Variants in FBXL7 observed in about 807,000 individuals in gnomAD.
FBXL7 encodes F-box/LRR-repeat protein 7.
Under a neutral mutation model 38.3 loss-of-function variants are expected in FBXL7, and 12 were observed. That is an observed-to-expected ratio of 0.31 (90% confidence interval 0.20 to 0.51). The LOEUF (loss-of-function observed/expected upper bound fraction) is 0.51, where lower values mean the gene tolerates loss of function less well. FBXL7 is among the 20% of genes least tolerant of loss of function. The probability of loss-of-function intolerance (pLI) is 0.98; values close to 1 mark genes in which losing one functional copy is unlikely to be tolerated. For missense variants in FBXL7, 567 were observed against 676.4 expected, an observed-to-expected ratio of 0.84 and a Z score of 1.79; for synonymous variants, 297 against 300.9, an observed-to-expected ratio of 0.99 and a Z score of 0.13.
At chr5:15,531,125 G>T (rs185870257) in intron 1 of FBXL7, among the ~76,000 whole-genome samples, 1 of 152,240 alleles carries the variant, frequency 6.6e-6, no homozygotes, top group Admixed American at 6.5e-5. Context: ...TACTAGCAAA[G>T]CTTCGAACAA....
intron 2 of FBXL7, among the ~76,000 whole-genome samples, chr5:15,768,790 A>G (rs2046171918): frequency 6.6e-6 from 1 of 152,196 alleles, no homozygotes; most frequent in Non-Finnish European, 1.5e-5. Flanking sequence ...CAGTGGCCAC[A>G]GTGCTGTGCA....
intron 2 of FBXL7, among the ~76,000 whole-genome samples, chr5:15,644,871 T>C (rs968034633): frequency 1.3e-5 from 2 of 152,082 alleles, no homozygotes; most frequent in Admixed American, 1.3e-4. Context: ...GCCTTCCCCT[T>C]TAGATGGACT....
chr5:15,693,191 A>G (rs1743231962), intron 2 of FBXL7, among the ~76,000 whole-genome samples: 1 of 152,116 alleles, frequency 6.6e-6, no homozygotes. Flanking sequence ...GACTTGGGCC[A>G]AAAAGCATCT....
chr5:15,884,428 G>A (rs1319442958), intron 2 of FBXL7, among the ~76,000 whole-genome samples: 5 of 152,002 alleles, frequency 3.3e-5, no homozygotes, highest in South Asian at 2.1e-4. Context: ...TACCACGCCC[G>A]GCTAATTTTT....
chr5:15,829,733 G>A (rs1351727140), intron 2 of FBXL7, among the ~76,000 whole-genome samples: 2 of 152,142 alleles, frequency 1.3e-5, no homozygotes, highest in Middle Eastern at 3.2e-3. Context: ...GCTCCTGAAA[G>A]TAAAGAATAT....
chr5:15,618,673 C>G (rs1031890883), intron 2 of FBXL7, among the ~76,000 whole-genome samples: 24 of 152,068 alleles, frequency 1.6e-4, no homozygotes, highest in African/African-American at 5.8e-4. Flanking sequence ...AACTATGGTG[C>G]ATAACTTTCT....
Position 15,557,406 on chromosome 5 carries a change from A to C in FBXL7, c.37+56693A>C, listed in dbSNP as rs191701037. On this transcript the variant is annotated intron_variant, in intron 1 of 3. Transcript: ENST00000504595. ...TTAAGAGTCTCCAAACTGTATCCTTAACTCATCATGGAGTAACATTTGTAT... is the reference window on the plus strand; with the variant it reads ...TTAAGAGTCTCCAAACTGTATCCTTCACTCATCATGGAGTAACATTTGTAT... 2.0e-4 allele frequency among the ~76,000 whole-genome samples: 30 copies of C among 152,330 alleles called. 1 individual carries two copies. In the East Asian group the frequency reaches 3.9e-3, roughly 20 times the overall value.
At chr5:15,556,532 A>G (rs1166687054) in intron 1 of FBXL7, among the ~76,000 whole-genome samples, 1 of 152,184 alleles carries the variant, frequency 6.6e-6, no homozygotes, top group African/African-American at 2.4e-5. Flanking sequence ...GGTCCAGTCA[A>G]GTTGACCATA....
At chr5:15,843,205 C>T (rs1334201251) in intron 2 of FBXL7, among the ~76,000 whole-genome samples, 1 of 151,976 alleles carries the variant, frequency 6.6e-6, no homozygotes, top group Non-Finnish European at 1.5e-5. Context: ...TAAGCTTTTG[C>T]CTTTGTCAAA....
chr5:15,696,211 A>G (rs1331406223), intron 2 of FBXL7, among the ~76,000 whole-genome samples: 54 of 152,192 alleles, frequency 3.5e-4, no homozygotes, highest in Admixed American at 3.5e-3. Context: ...GTCTCCTCTC[A>G]TTTCAGAAAG....
intron 2 of FBXL7, among the ~76,000 whole-genome samples, chr5:15,638,900 TC>T (rs1366578908): frequency 6.6e-6 from 1 of 152,166 alleles, no homozygotes; most frequent in African/African-American, 2.4e-5. Flanking sequence ...ACAATGACCC[TC>T]TGGAACTCTC....
At chr5:15,869,210 C>T (rs1248717460) in intron 2 of FBXL7, among the ~76,000 whole-genome samples, 1 of 152,068 alleles carries the variant, frequency 6.6e-6, no homozygotes, top group Non-Finnish European at 1.5e-5. Context: ...AAGTGATATC[C>T]CATCACTTTG....
At chr5:15,888,101 C>A (rs1193882845) in intron 2 of FBXL7, among the ~76,000 whole-genome samples, 1 of 152,154 alleles carries the variant, frequency 6.6e-6, no homozygotes, top group African/African-American at 2.4e-5. Flanking sequence ...GTAACTAATT[C>A]ATATTGCACT....
At chr5:15,670,252 T>C (rs902548448) in intron 2 of FBXL7, among the ~76,000 whole-genome samples, 2 of 152,194 alleles carry the variant, frequency 1.3e-5, no homozygotes, top group Admixed American at 1.3e-4. Flanking sequence ...GCACAGAAAT[T>C]AAGTTTCTTA....
chr5:15,746,017 G>A (rs1736005753), intron 2 of FBXL7, among the ~76,000 whole-genome samples: 1 of 152,206 alleles, frequency 6.6e-6, no homozygotes, highest in Admixed American at 6.5e-5. Context: ...AATCTTGGTG[G>A]TGAGAGGGTG....
chr5:15,846,698 GAC>G (rs761947057), intron 2 of FBXL7, among the ~76,000 whole-genome samples: 76 of 152,238 alleles, frequency 5.0e-4, no homozygotes, highest in East Asian at 4.4e-3. Flanking sequence ...GCATTAATGA[GAC>G]ACAGCTCAAG....
At chr5:15,661,074 C>G (rs1247963341) in intron 2 of FBXL7, among the ~76,000 whole-genome samples, 1 of 152,188 alleles carries the variant, frequency 6.6e-6, no homozygotes, top group African/African-American at 2.4e-5. Flanking sequence ...AGCTGCTAGA[C>G]AGTCCATGTA....
chr5:15,620,375 G>C (rs1424338272), intron 2 of FBXL7, among the ~76,000 whole-genome samples: 4 of 148,566 alleles, frequency 2.7e-5, no homozygotes, highest in African/African-American at 7.5e-5. Context: ...TGGGATTACA[G>C]ACACATGCCA....
intron 2 of FBXL7, among the ~76,000 whole-genome samples, chr5:15,683,509 T>C (rs1742916627): frequency 6.6e-6 from 1 of 152,156 alleles, no homozygotes; most frequent in South Asian, 2.1e-4. Flanking sequence ...TAAGTTCCCC[T>C]TTAAGGAGAT....
Sources: gnomAD v4.1 joint callset for allele counts (sites outside exome capture counted in the v4.1 genomes callset) on GRCh38, gnomAD v4.1.1 for gene constraint, MANE v1.5 for transcripts, NCBI Gene and HGNC (gene_info 2026-07-23, HGNC 2026-07-21) for gene names.